The following SIPA1L2 variants were observed in gnomAD, a reference collection of about 807,000 sequenced individuals.
The protein encoded by SIPA1L2 is signal-induced proliferation-associated 1-like protein 2.
Under a neutral mutation model 163.9 loss-of-function variants are expected in SIPA1L2, and 56 were observed. That is an observed-to-expected ratio of 0.34 (90% CI 0.28 to 0.43). The LOEUF (loss-of-function observed/expected upper bound fraction) is 0.43. Among genes scored for constraint, SIPA1L2 ranks in the 20% least tolerant of loss-of-function variants. The probability of loss-of-function intolerance (pLI) is 1.00; values close to 1 mark genes in which losing one functional copy is unlikely to be tolerated. For synonymous variants in SIPA1L2, 877 were observed against 865.7 expected, an observed-to-expected ratio of 1.01 and a Z score of -0.23; for missense variants, 1,974 against 2,193.5, an observed-to-expected ratio of 0.90 and a Z score of 2.00.
intron 10 of SIPA1L2, among the ~76,000 whole-genome samples, chr1:232,448,452 CA>C: frequency 6.6e-6 from 1 of 152,324 alleles, no homozygotes; most frequent in South Asian, 2.1e-4. Context: ...TGTTAAAAAG[CA>C]GAACTCCACT....
rs763228547 is a variant in SIPA1L2 at position 232,465,051 on chromosome 1, A to G, written c.2609T>C (p.Ile870Thr). Reference protein sequence around the residue: ...IARDFGQSADIECLLGISNEF... With the variant: ...IARDFGQSADTECLLGISNEF... ...ATTGGAGATCCCGAGAAGACATTCA[A>G]TGTCAGCAGACTGGCCGAAGTCCCG... The change falls in exon 9 of 23, where the codon ATT becomes ACT. Residue 870 changes from isoleucine to threonine, a missense_variant. Ile to Thr is a moderately conservative substitution (Grantham distance 89). Transcript: ENST00000674635. The surrounding 1 kb of genome is among the most constrained non-coding windows in gnomAD (Gnocchi z 4.1). 16 of 1,614,076 alleles carry G rather than the reference A, an allele frequency of 9.9e-6. No individual in the cohort carries two copies. Among genetic ancestry groups the G allele is most frequent in the Middle Eastern group, 1.6e-4 (1 of 6,084 alleles).
chr1:232,417,692 A>T (rs2357065), intron 18 of SIPA1L2, among the ~76,000 whole-genome samples: 8 of 151,824 alleles, frequency 5.3e-5, no homozygotes, highest in African/African-American at 1.9e-4. Flanking sequence ...AGGTAAAGAA[A>T]CCCAGGAATC....
chr1:232,615,298 G>A (rs938198091), intron 1 of SIPA1L2, among the ~76,000 whole-genome samples: 7 of 152,198 alleles, frequency 4.6e-5, no homozygotes, highest in Non-Finnish European at 7.3e-5. Flanking sequence ...GATCAGAATC[G>A]TCACTTCAAG....
At chr1:232,442,794 T>C (rs1278500228) in intron 12 of SIPA1L2, among the ~76,000 whole-genome samples, 2 of 152,230 alleles carry the variant, frequency 1.3e-5, no homozygotes, top group Non-Finnish European at 2.9e-5. Flanking sequence ...TCTCTTGGCT[T>C]AAAATGCAAT....
intron 7 of SIPA1L2, among the ~76,000 whole-genome samples, chr1:232,479,357 T>C (rs1156807494): frequency 6.6e-6 from 1 of 152,232 alleles, no homozygotes; most frequent in Non-Finnish European, 1.5e-5. Flanking sequence ...TAACATATAG[T>C]TGAGACAAGT....
intron 1 of SIPA1L2, among the ~76,000 whole-genome samples, chr1:232,613,789 T>C (rs1019739341): frequency 1.3e-5 from 2 of 152,186 alleles, no homozygotes; most frequent in African/African-American, 2.4e-5. Context: ...GAATATGACC[T>C]TTCAGGTGCT....
intron 7 of SIPA1L2, among the ~76,000 whole-genome samples, chr1:232,472,172 A>C (rs1339174165): frequency 6.6e-6 from 1 of 152,172 alleles, no homozygotes; most frequent in African/African-American, 2.4e-5. Context: ...CACTTGACCA[A>C]CGCCTTTACT....
intron 1 of SIPA1L2, among the ~76,000 whole-genome samples, chr1:232,577,130 T>C (rs866701869): frequency 1.8e-4 from 28 of 152,330 alleles, no homozygotes; most frequent in Admixed American, 5.2e-4. Flanking sequence ...AGCTGGTGAC[T>C]TTAAGTTGAA....
At chr1:232,431,786 A>C (rs1193447805) in intron 16 of SIPA1L2, among the ~76,000 whole-genome samples, 2 of 152,208 alleles carry the variant, frequency 1.3e-5, no homozygotes, top group Non-Finnish European at 2.9e-5. Context: ...ATCCTTTCCT[A>C]CGTGCCCACC....
Position 232,513,980 on chromosome 1 carries a change from C to T in SIPA1L2, c.1360G>A (p.Gly454Ser). The change falls in exon 3 of 23, where the codon GGT becomes AGT. Residue 454 changes from glycine (G) to serine (S), a missense_variant. Coordinates refer to ENST00000674635, the MANE Select transcript of SIPA1L2 (RefSeq NM_020808.5). Reference sequence around the variant, plus strand: ...CTGGGCACTTCCAAGACGGAGACACCTGCATTTGTGCAGTGAGAGCTGAGT... The same window carrying T: ...CTGGGCACTTCCAAGACGGAGACACTTGCATTTGTGCAGTGAGAGCTGAGT... ...SSLSSHCTNA[G>S]VSVLEVPREN... The T allele has an allele frequency of 6.2e-7, 1 of 1,614,220 alleles. No individual in the cohort carries two copies. The highest frequency in any genetic ancestry group is 8.5e-7 in the Non-Finnish European group (1 of 1,180,032).
chr1:232,514,533 C>G lies in SIPA1L2; in HGVS notation c.807G>C (p.Leu269=), dbSNP rs746237929. The change falls in exon 3 of 23, where the codon CTG becomes CTC. Residue 269 remains leucine, a synonymous_variant. Coordinates refer to ENST00000674635, the MANE Select transcript of SIPA1L2 (RefSeq NM_020808.5). ...AAGGCTTGTCCCTGTCTCTCCCCAT[C>G]AGGAGGGCACTGTCCACATAATCTA... is the stretch of plus-strand genomic sequence containing the variant. ...SGLDYVDSAL[L]MGRDRDKPFK... The G allele has an allele frequency of 1.2e-6, 2 of 1,614,160 alleles. No individual in the cohort carries two copies. Among genetic ancestry groups the G allele is most frequent in the South Asian group, 2.2e-5 (2 of 91,086 alleles).
intron 19 of SIPA1L2, among the ~76,000 whole-genome samples, chr1:232,409,032 C>T (rs1660799691): frequency 2.0e-5 from 3 of 152,130 alleles, no homozygotes; most frequent in South Asian, 2.1e-4. Flanking sequence ...CCATGTAACT[C>T]TTATATTCAG....
chr1:232,544,851 G>A (rs789643), intron 2 of SIPA1L2, among the ~76,000 whole-genome samples: 15,705 of 152,140 alleles, frequency 0.1, 1,951 homozygotes, highest in African/African-American at 0.29. Context: ...AAAAAGCTCC[G>A]AAAGCAGATC....
chr1:232,404,241 G>A, intron 19 of SIPA1L2, 63 bp from the exon 20 acceptor site: 1 of 1,521,142 alleles, frequency 6.6e-7, no homozygotes, highest in Middle Eastern at 1.7e-4. Context: ...AGAATCTCGG[G>A]GGCCCACAAA....
chr1:232,589,079 T>C (rs1660832281), intron 1 of SIPA1L2, among the ~76,000 whole-genome samples: 1 of 152,118 alleles, frequency 6.6e-6, no homozygotes, highest in Admixed American at 6.5e-5. Context: ...GAAAGAAACA[T>C]TTAGGTGGCA....
intron 3 of SIPA1L2, among the ~76,000 whole-genome samples, chr1:232,511,242 T>C (rs1666966433): frequency 6.6e-6 from 1 of 152,128 alleles, no homozygotes; most frequent in South Asian, 2.1e-4. Flanking sequence ...GTAACTATGG[T>C]GTTAACACTG....
intron 2 of SIPA1L2, among the ~76,000 whole-genome samples, chr1:232,534,435 C>A (rs901005818): frequency 1.3e-5 from 2 of 152,154 alleles, no homozygotes; most frequent in Non-Finnish European, 2.9e-5. Context: ...CTATAAAACT[C>A]ATAGAAGAAA....
intron 2 of SIPA1L2, among the ~76,000 whole-genome samples, chr1:232,525,901 T>C (rs1282454735): frequency 2.0e-5 from 3 of 152,176 alleles, no homozygotes; most frequent in East Asian, 1.9e-4. Context: ...GGTGGAGCGA[T>C]TTACTCCCGT....
In SIPA1L2 at chr1:232,404,224, A is replaced by C. The variant is rs761847183; in HGVS notation, c.4763-46T>G. On this transcript the variant is annotated intron_variant, in intron 19 of 22. Transcript: ENST00000674635. Reference sequence around the variant, plus strand: ...TTCCTATGAACAGGAGTATCTCTCTATACTTGAGAATCTCGGGGGCCCACA... The same window carrying C: ...TTCCTATGAACAGGAGTATCTCTCTCTACTTGAGAATCTCGGGGGCCCACA... 10 of 1,582,170 alleles carry C rather than the reference A, an allele frequency of 6.3e-6. No homozygotes were observed. In the Admixed American group the frequency reaches 1.7e-4, roughly 27 times the overall value.
Sources: allele counts gnomAD v4.1 joint callset (sites outside exome capture counted in the v4.1 genomes callset), GRCh38; gene constraint gnomAD v4.1.1; non-coding constraint Gnocchi (gnomAD v3.1); transcripts MANE v1.5; gene names NCBI Gene and HGNC (gene_info 2026-07-23, HGNC 2026-07-21).